Variants in ANKS1B observed in about 807,000 individuals in gnomAD.
ANKS1B encodes the protein ankyrin repeat and sterile alpha motif domain-containing protein 1B.
Under a neutral mutation model 148.3 loss-of-function variants are expected in ANKS1B, and 36 were observed. The observed-to-expected ratio is 0.24, with a 90% confidence interval of 0.19 to 0.32. ANKS1B has a LOEUF of 0.32. Among genes scored for constraint, ANKS1B ranks in the 10% least tolerant of loss-of-function variants. The pLI, the probability that ANKS1B is intolerant of heterozygous loss-of-function variation, is 1.00. For missense variants in ANKS1B, 1,157 were observed against 1,542.6 expected (o/e 0.75, Z 4.19); for synonymous variants, 542 against 560.8 (o/e 0.97, Z 0.47).
rs148507827 is a variant in ANKS1B, at chr12:99,845,768, A to AT, written c.135-20380dup. Among the ~76,000 whole-genome samples the AT allele has an allele frequency of 1.7e-3, 251 of 151,744 alleles. 8 individuals are homozygous for AT. The East Asian group carries it at 0.042, about 25-fold the overall frequency. ...GGTAGGGAGGAGTACTTCCTTTTCG[A>AT]TTTTTTTGGAATAGTTTCAATAGGA... On this transcript the variant is annotated intron_variant, in intron 1 of 26. Transcript: ENST00000683438.
At chr12:98,941,337 T>A (rs1379569712) in intron 17 of ANKS1B, among the ~76,000 whole-genome samples, 2 of 152,198 alleles carry the variant, frequency 1.3e-5, no homozygotes, top group Non-Finnish European at 2.9e-5. Flanking sequence ...CAGGCGATTT[T>A]AAACCACAAG....
intron 1 of ANKS1B, among the ~76,000 whole-genome samples, chr12:99,862,826 G>A (rs1412762348): frequency 6.6e-6 from 1 of 152,106 alleles, no homozygotes; most frequent in East Asian, 1.9e-4. Context: ...TCTAGGGAGG[G>A]GTGAAAAGAA....
intron 24 of ANKS1B, among the ~76,000 whole-genome samples, chr12:98,774,044 A>G (rs957555098): frequency 1.8e-4 from 28 of 152,250 alleles, no homozygotes; most frequent in Non-Finnish European, 1.2e-4. Flanking sequence ...ACTAAGGTGC[A>G]GGGGCCTGAT....
At chr12:99,652,290 T>C (rs985131916) in intron 9 of ANKS1B, among the ~76,000 whole-genome samples, 2 of 151,838 alleles carry the variant, frequency 1.3e-5, no homozygotes, top group African/African-American at 4.8e-5. Flanking sequence ...TTGGCCAATA[T>C]TGTGAAATGC....
chr12:98,853,818 A>T (rs559597757), intron 17 of ANKS1B, among the ~76,000 whole-genome samples: 1 of 152,340 alleles, frequency 6.6e-6, no homozygotes, highest in South Asian at 2.1e-4. Flanking sequence ...AGCATCTAGC[A>T]TGGGGCTGGC....
At chr12:98,827,934 C>T (rs893314065) in intron 19 of ANKS1B, among the ~76,000 whole-genome samples, 12 of 151,876 alleles carry the variant, frequency 7.9e-5, no homozygotes, top group African/African-American at 1.7e-4. Flanking sequence ...TAACAAGTAA[C>T]GAAATAAATG....
chr12:98,735,303 C>T (rs906233648), exon 10 of ANKS1B: 1 of 401,464 alleles, frequency 2.5e-6, no homozygotes, highest in Non-Finnish European at 4.4e-6. Context: ...CATTATATGT[C>T]TCTTGTATGT....
At chr12:99,057,971 GA>G (rs965481830) in intron 16 of ANKS1B, among the ~76,000 whole-genome samples, 1 of 152,122 alleles carries the variant, frequency 6.6e-6, no homozygotes, top group South Asian at 2.1e-4. Context: ...CCGTGAGTAA[GA>G]AAAAAATATT....
chr12:99,177,461 C>T (rs960317889), intron 14 of ANKS1B, among the ~76,000 whole-genome samples: 4 of 152,140 alleles, frequency 2.6e-5, no homozygotes, highest in African/African-American at 9.7e-5. Flanking sequence ...GCCGCTGGTA[C>T]AAAATGTTTG....
At chr12:99,758,110 C>G (rs1175225544) in intron 8 of ANKS1B, among the ~76,000 whole-genome samples, 2 of 151,826 alleles carry the variant, frequency 1.3e-5, no homozygotes, top group African/African-American at 4.8e-5. Flanking sequence ...AAGTAAGGCT[C>G]TCATTGATTT....
chr12:98,735,365 A>G (rs908143667), exon 10 of ANKS1B: 1 of 428,974 alleles, frequency 2.3e-6, no homozygotes, highest in Non-Finnish European at 4.1e-6. Flanking sequence ...TTGCCTTGGT[A>G]TACATTTTAA....
chr12:98,958,827 T>C (rs756709150), intron 17 of ANKS1B, among the ~76,000 whole-genome samples: 1 of 152,230 alleles, frequency 6.6e-6, no homozygotes, highest in Non-Finnish European at 1.5e-5. Flanking sequence ...TATAGTTATA[T>C]CTACATGTAA....
chr12:99,431,215 A>G (rs2152749385), intron 11 of ANKS1B, among the ~76,000 whole-genome samples: 1 of 152,350 alleles, frequency 6.6e-6, no homozygotes, highest in East Asian at 1.9e-4. Flanking sequence ...TAATCTAAAG[A>G]TACTTATTTT....
intron 19 of ANKS1B, among the ~76,000 whole-genome samples, chr12:98,823,311 T>G (rs1594771759): frequency 6.6e-6 from 1 of 152,232 alleles, no homozygotes; most frequent in African/African-American, 2.4e-5. Context: ...GCTTAAGTAT[T>G]AAGAGTTGCT....
At chr12:98,750,287 T>C (rs895392912) in intron 26 of ANKS1B, among the ~76,000 whole-genome samples, 2 of 151,958 alleles carry the variant, frequency 1.3e-5, no homozygotes, top group African/African-American at 4.8e-5. Flanking sequence ...TAATGAGTGA[T>C]GGACACAGGA....
At chr12:98,878,729 T>C (rs2099698563) in intron 17 of ANKS1B, among the ~76,000 whole-genome samples, 1 of 152,192 alleles carries the variant, frequency 6.6e-6, no homozygotes, top group Admixed American at 6.5e-5. Context: ...TTGATTAAAC[T>C]GACGGGAGGC....
chr12:99,142,281 A>C (rs1284670314), intron 15 of ANKS1B, among the ~76,000 whole-genome samples: 1 of 152,120 alleles, frequency 6.6e-6, no homozygotes, highest in East Asian at 1.9e-4. Flanking sequence ...GGGACTAGTA[A>C]AAGTATATTG....
chr12:99,935,502 T>C (rs946870422), intron 1 of ANKS1B, among the ~76,000 whole-genome samples: 10 of 151,698 alleles, frequency 6.6e-5, no homozygotes, highest in Non-Finnish European at 1.3e-4. Context: ...AAGACTATGG[T>C]TTCCTCTTAA....
chr12:98,809,366 G>A (rs1010761673), intron 19 of ANKS1B, among the ~76,000 whole-genome samples: 1 of 152,156 alleles, frequency 6.6e-6, no homozygotes, highest in African/African-American at 2.4e-5. Context: ...TGCGTTAGCT[G>A]GATTACCATC....
Sources: allele counts gnomAD v4.1 joint callset (sites outside exome capture counted in the v4.1 genomes callset), GRCh38; gene constraint gnomAD v4.1.1; transcripts MANE v1.5; gene names NCBI Gene and HGNC (gene_info 2026-07-23, HGNC 2026-07-21).